Variants in PAK1 observed in about 807,000 individuals in gnomAD.
PAK1 encodes p21 (RAC1) activated kinase 1, also known as serine/threonine-protein kinase PAK 1.
In PAK1, 29 loss-of-function variants were observed where a neutral mutation model predicts 67.4. That is an observed-to-expected ratio of 0.43 (90% CI 0.32 to 0.59). The LOEUF is 0.59. PAK1 is among the 20% of genes least tolerant of loss of function. PAK1 has a pLI of 0.07. For synonymous variants in PAK1, 223 were observed against 237.4 expected (o/e 0.94, Z 0.56); for missense variants, 337 against 670.7 (o/e 0.50, Z 5.50).
At chr11:77,380,187 C>T (rs1949633302) in intron 2 of PAK1, among the ~76,000 whole-genome samples, 193 bp from the exon 3 acceptor site, 1 of 152,076 alleles carries the variant, frequency 6.6e-6, no homozygotes, top group Non-Finnish European at 1.5e-5. Flanking sequence ...GACTTAATTT[C>T]TTGTTGAACT....
chr11:77,401,226 CA>C (rs1952638946), intron 1 of PAK1, among the ~76,000 whole-genome samples: 1 of 152,086 alleles, frequency 6.6e-6, no homozygotes, highest in Non-Finnish European at 1.5e-5. Flanking sequence ...TATATTGTGC[CA>C]GGAGGTTTTC....
At chr11:77,417,632 T>C (rs1052588444) in intron 1 of PAK1, among the ~76,000 whole-genome samples, 1 of 152,208 alleles carries the variant, frequency 6.6e-6, no homozygotes, top group East Asian at 1.9e-4. Context: ...CTATGTACTT[T>C]AGTCAATAAT....
intron 5 of PAK1, among the ~76,000 whole-genome samples, chr11:77,362,673 G>A (rs762934145): frequency 2.6e-5 from 4 of 152,188 alleles, no homozygotes; most frequent in Non-Finnish European, 5.9e-5. Flanking sequence ...ATGAGATAAA[G>A]CTATGTAAAA....
At chr11:77,377,862 A>T (rs892430459) in intron 4 of PAK1, among the ~76,000 whole-genome samples, 4 of 152,164 alleles carry the variant, frequency 2.6e-5, no homozygotes, top group African/African-American at 9.7e-5. Context: ...GTAGCCCTCC[A>T]GCCCAATTCC....
upstream of PAK1, among the ~76,000 whole-genome samples, chr11:77,479,542 C>T (rs1259264359): frequency 2.7e-5 from 4 of 150,414 alleles, no homozygotes; most frequent in Admixed American, 6.7e-5. Context: ...AGTGTACACA[C>T]GAAGGCTGGA....
upstream of PAK1, chr11:77,476,742 T>C (rs2135623481): frequency 6.6e-6 from 1 of 152,380 alleles, no homozygotes; most frequent in South Asian, 2.1e-4. Context: ...CCCAGCACTT[T>C]GGGAGGCCGA....
At chr11:77,400,659 C>G (rs542073714) in intron 1 of PAK1, among the ~76,000 whole-genome samples, 2 of 152,320 alleles carry the variant, frequency 1.3e-5, no homozygotes, top group African/African-American at 4.8e-5. Flanking sequence ...ATTCTAGAAA[C>G]AGTTTCCACA....
the PAK1 span, among the ~76,000 whole-genome samples, chr11:77,494,504 A>G: frequency 6.6e-6 from 1 of 152,036 alleles, no homozygotes; most frequent in African/African-American, 2.4e-5. Context: ...CTGGGACTAC[A>G]GGTACATGCC....
chr11:77,475,636 A>G (rs942688314), upstream of PAK1: 1 of 152,198 alleles, frequency 6.6e-6, no homozygotes, highest in East Asian at 1.9e-4. Flanking sequence ...GCCAACACCT[A>G]TTCATTGTAC....
At chr11:77,381,573 G>A (rs557849534) in intron 2 of PAK1, among the ~76,000 whole-genome samples, 1 of 152,170 alleles carries the variant, frequency 6.6e-6, no homozygotes, top group African/African-American at 2.4e-5. Flanking sequence ...CTTCAGTGTA[G>A]TAAGAAGAAA....
rs1304697598 is a variant in PAK1, at chr11:77,355,697, A to G, written c.743T>C (p.Met248Thr). The G allele has an allele frequency of 1.2e-6, 2 of 1,613,548 alleles. No homozygotes were observed. The part of the protein sequence containing the change: ...NTEKQKKKPK[M>T]SDEEILEKLR... ...TTTCTCCAAGATCTCCTCATCAGAC[A>G]TTTTAGGCTTCTTCTTCTGCTTCTC... The change falls in exon 7 of 15, where the codon ATG (methionine) becomes ACG (threonine). Residue 248 changes from methionine (M) to threonine (T), a missense_variant. Met to Thr is a moderately conservative substitution (Grantham distance 81). Around this residue, in one of 8 missense-constraint regions of PAK1, gnomAD observed 150 missense variants for 179.0 expected, o/e 0.84. Coordinates refer to ENST00000356341, the MANE Select transcript of PAK1 (RefSeq NM_002576.5).
intron 14 of PAK1, 55 bp downstream of exon 14, chr11:77,332,675 A>T (rs933156971): frequency 6.8e-7 from 1 of 1,476,680 alleles, no homozygotes; most frequent in Admixed American, 1.7e-5. Context: ...GAAGTAAAAA[A>T]GGCCTGGTTT....
chr11:77,428,682 G>A (rs1437734265), intron 1 of PAK1, among the ~76,000 whole-genome samples: 1 of 151,954 alleles, frequency 6.6e-6, no homozygotes, highest in African/African-American at 2.4e-5. Flanking sequence ...AAGTAGTCTA[G>A]TGAGGAGAAT....
intron 5 of PAK1, among the ~76,000 whole-genome samples, chr11:77,363,302 T>A (rs1478100275): frequency 6.6e-6 from 1 of 152,070 alleles, no homozygotes; most frequent in African/African-American, 2.4e-5. Context: ...GGAGATGAGA[T>A]GGTAGCCAGG....
At chr11:77,492,974 C>T in the PAK1 span, among the ~76,000 whole-genome samples, 1 of 152,158 alleles carries the variant, frequency 6.6e-6, no homozygotes, top group Non-Finnish European at 1.5e-5. Flanking sequence ...GCTTCCTGTA[C>T]AGCCTGCAGA....
chr11:77,505,816 CT>C, the PAK1 span, among the ~76,000 whole-genome samples: 1 of 152,154 alleles, frequency 6.6e-6, no homozygotes, highest in African/African-American at 2.4e-5. Context: ...TTGATGGGGG[CT>C]TCTCAGTACA....
intron 14 of PAK1, among the ~76,000 whole-genome samples, chr11:77,331,103 T>C (rs1342163025): frequency 1.3e-5 from 2 of 152,190 alleles, no homozygotes; most frequent in African/African-American, 4.8e-5. Context: ...TCACACCAGT[T>C]AGAATGGCGA....
intron 1 of PAK1, among the ~76,000 whole-genome samples, chr11:77,416,461 G>A (rs952971382): frequency 1.3e-5 from 2 of 152,206 alleles, no homozygotes; most frequent in South Asian, 2.1e-4. Flanking sequence ...GTCTTTAGGG[G>A]CAATAACATG....
intron 1 of PAK1, among the ~76,000 whole-genome samples, chr11:77,399,858 C>CAAAAAAAAAAAAAAA (rs34662738): frequency 9.4e-5 from 4 of 42,362 alleles, no homozygotes; most frequent in African/African-American, 3.1e-4. Context: ...GACTCCGTCT[C>CAAAAAAAAAAAAAAA]AAAAAAAAAA....
Sources: gnomAD v4.1 joint callset for allele counts (sites outside exome capture counted in the v4.1 genomes callset) on GRCh38, gnomAD v4.1.1 for gene constraint, gnomAD v4.1.1 regional missense constraint, MANE v1.5 for transcripts, NCBI Gene and HGNC (gene_info 2026-07-23, HGNC 2026-07-21) for gene names.